The following EYS variants were observed in gnomAD, a reference collection of about 807,000 sequenced individuals.
EYS encodes the protein EGF-like photoreceptor maintenance factor, also known as protein eyes shut homolog.
Under a neutral mutation model 282.1 loss-of-function variants are expected in EYS, and 250 were observed. That is an observed-to-expected ratio of 0.89 (90% confidence interval 0.80 to 0.98). The LOEUF is 0.98. EYS is among the 50% of genes least tolerant of loss of function. The pLI is 0.00. For missense variants in EYS, 4,016 were observed against 3,709.0 expected (o/e 1.08, Z -2.15); for synonymous variants, 1,355 against 1,282.9 (o/e 1.06, Z -1.20).
intron 30 of EYS, among the ~76,000 whole-genome samples, chr6:64,236,596 CT>C (rs1212976850): frequency 6.6e-6 from 1 of 151,894 alleles, no homozygotes; most frequent in Admixed American, 6.6e-5. Context: ...ATTCGTTTTT[CT>C]TTTTTTGACT....
intron 31 of EYS, among the ~76,000 whole-genome samples, chr6:64,159,758 G>A (rs1775047368): frequency 6.6e-6 from 1 of 151,250 alleles, no homozygotes; most frequent in Non-Finnish European, 1.5e-5. Flanking sequence ...TTTATTCTGT[G>A]GCTCTTCTTT....
intron 22 of EYS, among the ~76,000 whole-genome samples, chr6:64,717,512 G>A (rs933064843): frequency 8.5e-5 from 13 of 152,118 alleles, no homozygotes; most frequent in South Asian, 6.2e-4. Flanking sequence ...AGCTCAGGGC[G>A]GTAATGTGAG....
At chr6:64,597,290 T>C (rs1027286201) in intron 24 of EYS, among the ~76,000 whole-genome samples, 1 of 152,164 alleles carries the variant, frequency 6.6e-6, no homozygotes, top group African/African-American at 2.4e-5. Context: ...GGACAAACTC[T>C]ATGGAAAACA....
chr6:65,422,682 G>A (rs942769677), intron 5 of EYS, among the ~76,000 whole-genome samples: 2 of 151,720 alleles, frequency 1.3e-5, no homozygotes, highest in African/African-American at 4.8e-5. Flanking sequence ...GAAGCAACAG[G>A]AAATATCCTA....
Position 65,494,646 on chromosome 6 carries a change from A to G in EYS, c.748+17T>C, listed in dbSNP as rs779078516. Reference sequence around the variant, plus strand: ...TTTCTCTATTTTAATAAAATTATATATTTTAAACAATCTTACCTGTAAATG... The same window carrying G: ...TTTCTCTATTTTAATAAAATTATATGTTTTAAACAATCTTACCTGTAAATG... On this transcript the variant is annotated intron_variant, in intron 4 of 42. Coordinates refer to ENST00000503581, the MANE Select transcript of EYS (RefSeq NM_001142800.2). 3.9e-6 allele frequency: 6 copies of G among 1,534,934 alleles called. No individual in the cohort carries two copies. Among genetic ancestry groups the G allele is most frequent in the East Asian group, 4.9e-5 (2 of 40,876 alleles).
At chr6:63,894,631 G>C (rs1473467668) in intron 35 of EYS, among the ~76,000 whole-genome samples, 1 of 151,840 alleles carries the variant, frequency 6.6e-6, no homozygotes, top group Non-Finnish European at 1.5e-5. Flanking sequence ...GCCCAGGCTG[G>C]AGTGCAGTGG....
At chr6:65,273,522 G>A (rs1218553539) in intron 12 of EYS, among the ~76,000 whole-genome samples, 2 of 152,166 alleles carry the variant, frequency 1.3e-5, no homozygotes, top group Non-Finnish European at 2.9e-5. Flanking sequence ...TCTCCGGAAA[G>A]GCAAGGCCAA....
At chr6:64,811,600 T>C (rs985527045) in intron 22 of EYS, among the ~76,000 whole-genome samples, 1 of 152,072 alleles carries the variant, frequency 6.6e-6, no homozygotes, top group Non-Finnish European at 1.5e-5. Context: ...TAGATTAAAG[T>C]CTTTCTCATG....
chr6:65,474,818 T>C (rs1451590332), intron 5 of EYS, among the ~76,000 whole-genome samples: 2 of 151,920 alleles, frequency 1.3e-5, no homozygotes, highest in African/African-American at 4.8e-5. Flanking sequence ...AGTAAAAACT[T>C]TGAGTAGTGA....
intron 42 of EYS, among the ~76,000 whole-genome samples, chr6:63,725,492 CTT>C (rs1191058592): frequency 5.3e-5 from 8 of 152,004 alleles, no homozygotes; most frequent in African/African-American, 1.4e-4. Flanking sequence ...TTTAATGTCT[CTT>C]GATTTATAAA....
intron 26 of EYS, among the ~76,000 whole-genome samples, chr6:64,501,205 C>A (rs975126367): frequency 1.3e-5 from 2 of 151,408 alleles, no homozygotes; most frequent in Non-Finnish European, 2.9e-5. Flanking sequence ...TAGCATAGGG[C>A]GTATTGTCTT....
intron 29 of EYS, among the ~76,000 whole-genome samples, chr6:64,371,065 T>A (rs1208847842): frequency 1.3e-5 from 2 of 152,042 alleles, no homozygotes; most frequent in African/African-American, 2.4e-5. Context: ...AGCCTTGGGG[T>A]TGGTTTGCTC....
intron 31 of EYS, among the ~76,000 whole-genome samples, chr6:64,126,639 A>T (rs182029952): frequency 6.6e-6 from 1 of 152,050 alleles, no homozygotes; most frequent in Non-Finnish European, 1.5e-5. Context: ...GCTTCTTCAC[A>T]CTTCTCCTCC....
At position 65,607,627 on chromosome 6, in the gene EYS, G is replaced by A. The variant is rs191877636; in HGVS notation, c.-333+32151C>T. Among the ~76,000 whole-genome samples, 38 of 99,926 alleles carry A rather than the reference G, an allele frequency of 3.8e-4. No individual in the cohort carries two copies. The East Asian group carries it at 6.8e-3, about 18-fold the overall frequency. The allele number at this position is 99,926 out of a possible 152,430, so 65.6% of individuals were successfully genotyped here. A position where few individuals can be genotyped will look rare whatever the true frequency, so the allele number is the denominator to read the frequency against. ...CAAACTCATCTTAAATTTATTTTGC[G>A]TACCTTCAAATATGCAGTTATCTGA... On this transcript the variant is annotated intron_variant, in intron 2 of 42. Transcript: ENST00000503581.
At chr6:65,371,820 G>A (rs1006045153) in intron 8 of EYS, among the ~76,000 whole-genome samples, 7 of 150,316 alleles carry the variant, frequency 4.7e-5, no homozygotes, top group Admixed American at 2.7e-4. Flanking sequence ...CAGACAGAAT[G>A]AGAGAGAGAG....
intron 12 of EYS, among the ~76,000 whole-genome samples, chr6:65,059,774 G>A (rs1437632658): frequency 6.6e-6 from 1 of 152,020 alleles, no homozygotes; most frequent in East Asian, 1.9e-4. Context: ...TCACACTGAG[G>A]GAAACCTGTT....
intron 14 of EYS, among the ~76,000 whole-genome samples, chr6:64,957,153 C>T (rs1237713421): frequency 2.6e-5 from 4 of 151,862 alleles, no homozygotes; most frequent in South Asian, 2.1e-4. Context: ...TCACAATAGC[C>T]AAGACTTGCA....
chr6:65,618,849 G>T lies in EYS; in HGVS notation c.-333+20929C>A, dbSNP rs1009637619. ...GCTTGTTTTTCTCAGGTTTGTCAAA[G>T]ATCAGACAGTTGTAGATATGCGGCA... On this transcript the variant is annotated intron_variant, in intron 2 of 42. Transcript: ENST00000503581. 3.9e-5 allele frequency among the ~76,000 whole-genome samples: 6 copies of T among 152,240 alleles called. No individual in the cohort carries two copies. In the South Asian group the frequency reaches 1.2e-3, roughly 32 times the overall value.
chr6:64,164,906 A>G (rs914958208), intron 31 of EYS, among the ~76,000 whole-genome samples: 1 of 152,156 alleles, frequency 6.6e-6, no homozygotes. Context: ...CCTCTGAAAT[A>G]CTGCATGTAT....
Sources: gnomAD v4.1 joint callset for allele counts (sites outside exome capture counted in the v4.1 genomes callset) on GRCh38, gnomAD v4.1.1 for gene constraint, MANE v1.5 for transcripts, NCBI Gene and HGNC (gene_info 2026-07-23, HGNC 2026-07-21) for gene names.